The following ERBB4 variants were observed in gnomAD, a reference collection of about 807,000 sequenced individuals.
ERBB4 encodes erb-b2 receptor tyrosine kinase 4.
Under a neutral mutation model 158.0 loss-of-function variants are expected in ERBB4, and 42 were observed. The observed-to-expected ratio is 0.27, with a 90% confidence interval of 0.21 to 0.34. The LOEUF (loss-of-function observed/expected upper bound fraction) is 0.34, where lower values mean the gene tolerates loss of function less well. ERBB4 is among the 10% of genes least tolerant of loss of function. The pLI is 1.00. For missense variants in ERBB4, 1,333 were observed against 1,624.1 expected (o/e 0.82, Z 3.08); for synonymous variants, 583 against 558.7 (o/e 1.04, Z -0.61).
chr2:211,420,602 G>A lies in ERBB4; in HGVS notation c.2974C>T (p.Arg992Cys), dbSNP rs143134749. ...QRYLVIQGDD[R>C]MKLPSPNDSK... ...TCATTTGGACTGGGAAGCTTCATAC[G>A]ATCATCACCCTAAAAGAAAGATTGC... The change falls in exon 25 of 28, where the codon CGT (arginine) becomes TGT (cysteine). Residue 992 changes from arginine to cysteine, a missense_variant. Transcript: ENST00000342788. The A allele has an allele frequency of 6.2e-6, 10 of 1,607,258 alleles. No individual in the cohort carries two copies. Among genetic ancestry groups the A allele is most frequent in the African/African-American group, 4.3e-5 (3 of 70,374 alleles).
At chr2:212,381,663 T>C (rs1051368216) in intron 1 of ERBB4, among the ~76,000 whole-genome samples, 5 of 151,212 alleles carry the variant, frequency 3.3e-5, no homozygotes, top group Non-Finnish European at 7.4e-5. Flanking sequence ...GGAATCATAT[T>C]ATGACCAGAA....
intron 20 of ERBB4, among the ~76,000 whole-genome samples, chr2:211,444,507 A>G (rs1208058892): frequency 1.4e-4 from 21 of 152,082 alleles, no homozygotes; most frequent in Non-Finnish European, 1.5e-5. Context: ...TCTTAGAAAT[A>G]CCTTACAAAT....
At chr2:212,134,685 T>C (rs1221844755) in intron 1 of ERBB4, among the ~76,000 whole-genome samples, 2 of 137,706 alleles carry the variant, frequency 1.5e-5, no homozygotes, top group African/African-American at 5.4e-5. Flanking sequence ...TCTTTTTTTT[T>C]TTTTTTTTTT....
intron 5 of ERBB4, among the ~76,000 whole-genome samples, chr2:211,742,082 T>C (rs2074819677): frequency 6.6e-6 from 1 of 152,200 alleles, no homozygotes; most frequent in African/African-American, 2.4e-5. Flanking sequence ...AAGTTATTAG[T>C]AAAATACAAG....
chr2:212,101,443 G>A (rs1192019002), intron 2 of ERBB4, among the ~76,000 whole-genome samples: 1 of 150,328 alleles, frequency 6.7e-6, no homozygotes, highest in Non-Finnish European at 1.5e-5. Flanking sequence ...TTTTTAAGAG[G>A]TGGCAAGGGT....
intron 16 of ERBB4, among the ~76,000 whole-genome samples, chr2:211,657,299 A>G (rs2105898727): frequency 6.6e-6 from 1 of 151,944 alleles, no homozygotes. Context: ...GCCTGAGGTC[A>G]GGAGTTTGAG....
At chr2:211,887,984 AT>A (rs925381288) in intron 3 of ERBB4, among the ~76,000 whole-genome samples, 1 of 152,104 alleles carries the variant, frequency 6.6e-6, no homozygotes, top group Non-Finnish European at 1.5e-5. Flanking sequence ...TCTCATTAAC[AT>A]TTTCATAGAC....
chr2:212,296,407 A>T (rs1286460896), intron 1 of ERBB4, among the ~76,000 whole-genome samples: 3 of 152,034 alleles, frequency 2.0e-5, no homozygotes, highest in African/African-American at 7.2e-5. Flanking sequence ...TCTAAAAAAA[A>T]AAGACATTGA....
rs372393522 is a variant in ERBB4 at position 211,623,898 on chromosome 2, C to A, written c.2202+24G>T. The stretch of plus-strand genomic sequence containing the variant: ...AACATCTAAAACAAAACTTAACTAA[C>A]GATATGCGTTGTTTTTTACTTACTT... On this transcript the variant is annotated intron_variant, in intron 18 of 27. Transcript: ENST00000342788. The A allele has an allele frequency of 1.3e-5, 21 of 1,612,436 alleles. No individual in the cohort carries two copies. The African/African-American group carries it at 1.6e-4, about 12-fold the overall frequency.
intron 19 of ERBB4, among the ~76,000 whole-genome samples, chr2:211,609,692 G>A (rs2069120710): frequency 6.6e-6 from 1 of 152,096 alleles, no homozygotes; most frequent in African/African-American, 2.4e-5. Context: ...TACAGGGGTA[G>A]GACACCATGC....
intron 2 of ERBB4, among the ~76,000 whole-genome samples, chr2:212,083,643 C>A (rs112036264): frequency 1.2e-4 from 18 of 150,968 alleles, no homozygotes; most frequent in African/African-American, 2.7e-4. Context: ...CCCTCCCCCC[C>A]AAAAAAAACA....
At chr2:212,267,598 T>TTTTTTC (rs1553607810) in intron 1 of ERBB4, among the ~76,000 whole-genome samples, 2 of 134,742 alleles carry the variant, frequency 1.5e-5, no homozygotes, top group African/African-American at 5.8e-5. Context: ...TTCTCATTTC[T>TTTTTTC]TTTTTTTTTT....
At chr2:211,714,162 GA>G (rs1373541360) in intron 7 of ERBB4, among the ~76,000 whole-genome samples, 1 of 152,156 alleles carries the variant, frequency 6.6e-6, no homozygotes, top group Non-Finnish European at 1.5e-5. Context: ...AATAAAATTG[GA>G]AAGGGTAGTA....
chr2:211,905,740 G>GTATATATA lies in ERBB4; in HGVS notation c.421+41689_421+41690insTATATATA, dbSNP rs1347742717. On this transcript the variant is annotated intron_variant, in intron 3 of 27. Transcript: ENST00000342788. ...TATGTGTGTGTATGTGTGTGCATGT[G>GTATATATA]TGTGTATATATATATATATATATAC... 1.1e-3 allele frequency among the ~76,000 whole-genome samples: 103 copies of GTATATATA among 95,952 alleles called. 1 individual carries two copies. Among genetic ancestry groups the GTATATATA allele is most frequent in the African/African-American group, 3.3e-3 (98 of 29,654 alleles). The allele number at this position is 95,952 out of a possible 152,430, so 62.9% of individuals were successfully genotyped here.
At chr2:211,909,699 T>G (rs1013014318) in intron 3 of ERBB4, among the ~76,000 whole-genome samples, 2 of 151,838 alleles carry the variant, frequency 1.3e-5, no homozygotes, top group Non-Finnish European at 2.9e-5. Context: ...ATATGTAATG[T>G]GCTGTTGATG....
At chr2:212,450,006 C>A (rs541710999) in intron 1 of ERBB4, among the ~76,000 whole-genome samples, 2 of 152,062 alleles carry the variant, frequency 1.3e-5, no homozygotes, top group African/African-American at 4.8e-5. Context: ...TATACACTAA[C>A]GTGTTTAAAA....
At chr2:212,476,152 G>GTC (rs1240944783) in intron 1 of ERBB4, among the ~76,000 whole-genome samples, 3 of 122,540 alleles carry the variant, frequency 2.4e-5, no homozygotes, top group South Asian at 2.5e-4. Flanking sequence ...CTCTCTCTCT[G>GTC]TCACACACAC....
At chr2:212,295,752 A>T (rs2086387178) in intron 1 of ERBB4, among the ~76,000 whole-genome samples, 1 of 152,092 alleles carries the variant, frequency 6.6e-6, no homozygotes, top group Non-Finnish European at 1.5e-5. Context: ...GTAGCTGCAC[A>T]GTAAATGGCA....
At chr2:211,501,053 A>G (rs2065601904) in intron 20 of ERBB4, among the ~76,000 whole-genome samples, 1 of 152,044 alleles carries the variant, frequency 6.6e-6, no homozygotes. Flanking sequence ...CATTAAGAAC[A>G]TTACCTAGTT....
Sources: allele counts gnomAD v4.1 joint callset (sites outside exome capture counted in the v4.1 genomes callset), GRCh38; gene constraint gnomAD v4.1.1; transcripts MANE v1.5; gene names NCBI Gene and HGNC (gene_info 2026-07-23, HGNC 2026-07-21).